POU2AF1: variants seen among roughly 807,000 people sequenced by gnomAD.
POU2AF1 encodes POU class 2 homeobox associating factor 1.
In POU2AF1, 12 loss-of-function variants were observed where a neutral mutation model predicts 26.3. The observed-to-expected ratio is 0.46, with a 90% CI of 0.29 to 0.74. POU2AF1 has a LOEUF of 0.74. Among genes scored for constraint, POU2AF1 ranks in the 30% least tolerant of loss-of-function variants. The pLI, the probability that POU2AF1 is intolerant of heterozygous loss-of-function variation, is 0.09. For synonymous variants in POU2AF1, 175 were observed against 148.0 expected (o/e 1.18, Z -1.32); for missense variants, 297 against 334.5 (o/e 0.89, Z 0.87).
intron 1 of POU2AF1, chr11:111,363,446 A>G (rs1565363498): frequency 2.0e-6 from 2 of 1,012,604 alleles, no homozygotes; most frequent in Non-Finnish European, 1.2e-6. Context: ...TATGTGCAGC[A>G]ACAATAAACA....
intron 1 of POU2AF1, among the ~76,000 whole-genome samples, chr11:111,375,436 C>A (rs576146595): frequency 4.5e-5 from 5 of 112,072 alleles, no homozygotes; most frequent in Non-Finnish European, 6.6e-5. Flanking sequence ...TCGCTCTGTA[C>A]CCCAGGCTGG....
chr11:111,353,032 A>C lies in POU2AF1; in HGVS notation c.*1229T>G. On this transcript the variant is annotated 3_prime_UTR_variant, in exon 5 of 5. Coordinates refer to ENST00000393067, the MANE Select transcript of POU2AF1 (RefSeq NM_006235.3). ...AAGGAAGGAAGGAAGGAAGGAAGGA[A>C]GGAAGGAAGGAAGGAAGGAAGGAAA... 1 of 164,232 alleles carries C rather than the reference A, an allele frequency of 6.1e-6. No individual in the cohort carries two copies. Among genetic ancestry groups the C allele is most frequent in the Non-Finnish European group, 1.2e-5 (1 of 86,216 alleles). 10.2% of individuals were successfully genotyped at this position (164,232 alleles called of 1,614,324 possible). A position where few individuals can be genotyped will look rare whatever the true frequency, so the allele number is the denominator to read the frequency against.
At position 111,352,255 on chromosome 11, in the gene POU2AF1, T is replaced by G. The variant is rs1860738104; in HGVS notation, c.*2006A>C. ...AAAAAGAAAATCCAAAACAGACAAC[T>G]TTCTCCAGAGTTTTTATTTAAAGTG... On this transcript the variant is annotated 3_prime_UTR_variant, in exon 5 of 5. Coordinates refer to ENST00000393067, the MANE Select transcript of POU2AF1 (RefSeq NM_006235.3). 5.6e-6 allele frequency: 1 copy of G among 178,018 alleles called. No homozygotes were observed. The highest frequency in any genetic ancestry group is 2.4e-5 in the African/African-American group (1 of 42,282). The allele number at this position is 178,018 out of a possible 1,614,324, so 11.0% of individuals were successfully genotyped here.
At chr11:111,372,842 T>C (rs1283799384) in intron 1 of POU2AF1, among the ~76,000 whole-genome samples, 1 of 152,130 alleles carries the variant, frequency 6.6e-6, no homozygotes, top group Non-Finnish European at 1.5e-5. Context: ...AGTTGTGTGT[T>C]GGGAGGGAGA....
intron 1 of POU2AF1, among the ~76,000 whole-genome samples, chr11:111,375,325 T>C (rs1411973286): frequency 6.6e-6 from 1 of 151,764 alleles, no homozygotes; most frequent in Non-Finnish European, 1.5e-5. Flanking sequence ...AATTATTTAA[T>C]GAATTGGCTG....
At chr11:111,359,253 G>T in intron 1 of POU2AF1, 1 of 320,026 alleles carries the variant, frequency 3.1e-6, no homozygotes, top group Non-Finnish European at 5.8e-6. Context: ...TGTTCTCTAC[G>T]TGTTCCTGCG....
intron 2 of POU2AF1, among the ~76,000 whole-genome samples, chr11:111,358,379 C>CACACGCCA: frequency 1.5e-5 from 1 of 65,188 alleles, no homozygotes. Context: ...CACACACTCT[C>CACACGCCA]TCACACACAC....
At chr11:111,370,439 G>C (rs1260226790) in intron 1 of POU2AF1, among the ~76,000 whole-genome samples, 2 of 152,188 alleles carry the variant, frequency 1.3e-5, no homozygotes, top group African/African-American at 4.8e-5. Flanking sequence ...GCCACTCTCT[G>C]TGACCAGCTA....
intron 1 of POU2AF1, among the ~76,000 whole-genome samples, chr11:111,365,103 T>C (rs1206801546): frequency 6.6e-6 from 1 of 152,212 alleles, no homozygotes; most frequent in Non-Finnish European, 1.5e-5. Flanking sequence ...AGCATTAGTT[T>C]TGTATTTGGG....
Position 111,354,434 on chromosome 11 carries a change from G to T in POU2AF1, c.598C>A (p.Leu200Ile). 4 of 1,614,118 alleles carry T rather than the reference G, an allele frequency of 2.5e-6. No homozygotes were observed. Among genetic ancestry groups the T allele is most frequent in the Non-Finnish European group, 3.4e-6 (4 of 1,179,972 alleles). The change falls in exon 5 of 5, where the codon CTA becomes ATA. Residue 200 changes from leucine (L) to isoleucine (I), a missense_variant. Physicochemically the swap from Leu to Ile is conservative, Grantham distance 5. Transcript: ENST00000393067. ...AGCTGGACAAACTGGGGCCCAGGTAGGGCTGGGGCCGGAGGCTGGTACTGC... is the reference window on the plus strand; with the variant it reads ...AGCTGGACAAACTGGGGCCCAGGTATGGCTGGGGCCGGAGGCTGGTACTGC... ...TLQYQPPAPA[L>I]PGPQFVQLPI... is the part of the protein sequence containing the mutation.
intron 1 of POU2AF1, chr11:111,359,909 G>C: frequency 1.9e-6 from 1 of 518,690 alleles, no homozygotes; most frequent in South Asian, 1.4e-5. Context: ...TACACCTTTA[G>C]GATTGAGGCA....
chr11:111,377,343 G>A (rs981871917), intron 1 of POU2AF1, among the ~76,000 whole-genome samples: 1 of 152,040 alleles, frequency 6.6e-6, no homozygotes, highest in African/African-American at 2.4e-5. Context: ...TCGCGCCACT[G>A]CACTCCAGCC....
At chr11:111,379,071 C>T in intron 1 of POU2AF1, 91 bp downstream of exon 1, 1 of 1,564,834 alleles carries the variant, frequency 6.4e-7, no homozygotes, top group Non-Finnish European at 8.8e-7. Context: ...CCATCACCTC[C>T]ACCACCAGCT....
intron 1 of POU2AF1, chr11:111,363,870 G>GT (rs1357341230): frequency 4.1e-6 from 4 of 985,184 alleles, no homozygotes; most frequent in Non-Finnish European, 4.8e-6. Flanking sequence ...TAAGTCTCCC[G>GT]TAGGTATCCA....
chr11:111,379,236 T>A lies in POU2AF1; in HGVS notation c.-59A>T. On this transcript the variant is annotated 5_prime_UTR_variant, in exon 1 of 5. Coordinates refer to ENST00000393067, the MANE Select transcript of POU2AF1 (RefSeq NM_006235.3). ...AGCCGACAGTTTGGCTTCTTTAATG[T>A]GAGACCGGGGTGTGTTTTCCTCCAG... The A allele has an allele frequency of 6.2e-7, 1 of 1,609,270 alleles. No homozygotes were observed.
Position 111,352,292 on chromosome 11 carries a change from T to C in POU2AF1, c.*1969A>G, listed in dbSNP as rs1328420181. 3 of 179,620 alleles carry C rather than the reference T, an allele frequency of 1.7e-5. No individual in the cohort carries two copies. The highest frequency in any genetic ancestry group is 3.6e-5 in the Non-Finnish European group (3 of 83,986). 11.1% of individuals were successfully genotyped at this position (179,620 alleles called of 1,614,324 possible). On this transcript the variant is annotated 3_prime_UTR_variant, in exon 5 of 5. Coordinates refer to ENST00000393067, the MANE Select transcript of POU2AF1 (RefSeq NM_006235.3). ...TTTTATTTAAAGTGGGCAAAGAAAATATGTCAAAGAAACTGTCATTTCCCA... is the reference window on the plus strand; with the variant it reads ...TTTTATTTAAAGTGGGCAAAGAAAACATGTCAAAGAAACTGTCATTTCCCA...
intron 1 of POU2AF1, among the ~76,000 whole-genome samples, chr11:111,368,249 T>C (rs1861142241): frequency 6.6e-6 from 1 of 152,164 alleles, no homozygotes; most frequent in South Asian, 2.1e-4. Context: ...CCCAAGTCTG[T>C]AGAGACTGTA....
rs1591192960 is a variant in POU2AF1, at chr11:111,358,669, C to A, written c.147+119G>T. The A allele has an allele frequency of 2.4e-6, 3 of 1,255,764 alleles. No individual in the cohort carries two copies. In the East Asian group the frequency reaches 7.6e-5, roughly 32 times the overall value. 77.8% of individuals were successfully genotyped at this position (1,255,764 alleles called of 1,614,324 possible). ...ACACTCTCACACACTCTATCACACACAAACACATACACACACGCATACACA... is the reference window on the plus strand; with the variant it reads ...ACACTCTCACACACTCTATCACACAAAAACACATACACACACGCATACACA... On this transcript the variant is annotated intron_variant, in intron 2 of 4. Coordinates refer to ENST00000393067, the MANE Select transcript of POU2AF1 (RefSeq NM_006235.3).
intron 1 of POU2AF1, chr11:111,364,061 A>G (rs1861060654): frequency 2.6e-6 from 2 of 757,712 alleles, no homozygotes; most frequent in Non-Finnish European, 3.0e-6. Context: ...TTTGGCCCCT[A>G]TAAGGGCTTC....
Sources: allele counts gnomAD v4.1 joint callset (sites outside exome capture counted in the v4.1 genomes callset), GRCh38; gene constraint gnomAD v4.1.1; transcripts MANE v1.5; gene names NCBI Gene and HGNC (gene_info 2026-07-23, HGNC 2026-07-21).